The following ERBB4 variants were observed in gnomAD, a reference collection of about 807,000 sequenced individuals.
ERBB4 encodes the protein receptor tyrosine-protein kinase erbB-4.
A neutral mutation model predicts 158.0 loss-of-function variants in ERBB4; 42 were observed. The observed-to-expected ratio is 0.27, with a 90% confidence interval of 0.21 to 0.34. The LOEUF (loss-of-function observed/expected upper bound fraction) is 0.34, where lower values mean the gene tolerates loss of function less well. Among genes scored for constraint, ERBB4 ranks in the 10% least tolerant of loss-of-function variants. ERBB4 has a pLI of 1.00. For synonymous variants in ERBB4, 583 were observed against 558.7 expected (o/e 1.04, Z -0.61); for missense variants, 1,333 against 1,624.1 (o/e 0.82, Z 3.08).
chr2:212,173,760 G>A (rs569091055), intron 1 of ERBB4, among the ~76,000 whole-genome samples: 3 of 152,148 alleles, frequency 2.0e-5, no homozygotes, highest in South Asian at 2.1e-4. Flanking sequence ...TGGATGAAAG[G>A]AGGTCAGAGG....
chr2:212,309,967 C>T (rs750199752), intron 1 of ERBB4, among the ~76,000 whole-genome samples: 5 of 150,398 alleles, frequency 3.3e-5, no homozygotes, highest in Admixed American at 1.3e-4. Context: ...TGCTGGAGTT[C>T]AACCCTTGAA....
At chr2:211,634,319 G>A (rs1334901074) in intron 16 of ERBB4, among the ~76,000 whole-genome samples, 1 of 151,582 alleles carries the variant, frequency 6.6e-6, no homozygotes, top group East Asian at 1.9e-4. Context: ...GTACTTTTGT[G>A]TATATTTTCT....
chr2:211,542,388 T>A (rs937700300), intron 20 of ERBB4, among the ~76,000 whole-genome samples: 1 of 151,932 alleles, frequency 6.6e-6, no homozygotes, highest in African/African-American at 2.4e-5. Flanking sequence ...TCTTCTTGGA[T>A]TCTGACTTCA....
intron 1 of ERBB4, among the ~76,000 whole-genome samples, chr2:212,418,940 T>A (rs2091725038): frequency 6.6e-6 from 1 of 151,904 alleles, no homozygotes; most frequent in South Asian, 2.1e-4. Context: ...AATACTGAAT[T>A]TCAATGCAAA....
intron 3 of ERBB4, among the ~76,000 whole-genome samples, chr2:211,862,412 T>G (rs2078082209): frequency 6.6e-6 from 1 of 152,148 alleles, no homozygotes; most frequent in Non-Finnish European, 1.5e-5. Flanking sequence ...TGTTCTCAAT[T>G]TTTTTCAAGC....
At chr2:212,178,254 A>T (rs1051285270) in intron 1 of ERBB4, among the ~76,000 whole-genome samples, 3 of 151,708 alleles carry the variant, frequency 2.0e-5, no homozygotes, top group African/African-American at 7.3e-5. Flanking sequence ...TGTCAATAGT[A>T]AAAAGATTGC....
intron 25 of ERBB4, among the ~76,000 whole-genome samples, chr2:211,412,548 C>CTCTT (rs1169127262): frequency 1.3e-5 from 2 of 152,184 alleles, no homozygotes; most frequent in Non-Finnish European, 2.9e-5. Context: ...AGAATATTAA[C>CTCTT]TCTTTGATGG....
chr2:212,308,456 C>A (rs2086897255), intron 1 of ERBB4, among the ~76,000 whole-genome samples: 1 of 150,964 alleles, frequency 6.6e-6, no homozygotes, highest in African/African-American at 2.4e-5. Context: ...CGTCTCATTG[C>A]TACCTACATC....
chr2:211,961,739 T>C (rs1312623214), intron 2 of ERBB4, among the ~76,000 whole-genome samples: 1 of 152,078 alleles, frequency 6.6e-6, no homozygotes, highest in African/African-American at 2.4e-5. Flanking sequence ...CATGGTGAAT[T>C]TGATCATGAA....
At chr2:212,206,007 C>T (rs973854980) in intron 1 of ERBB4, among the ~76,000 whole-genome samples, 3 of 152,072 alleles carry the variant, frequency 2.0e-5, no homozygotes, top group Non-Finnish European at 4.4e-5. Context: ...CTTATAATAC[C>T]TATGATAATT....
At chr2:212,169,721 A>G (rs2081455862) in intron 1 of ERBB4, among the ~76,000 whole-genome samples, 1 of 152,128 alleles carries the variant, frequency 6.6e-6, no homozygotes, top group Admixed American at 6.6e-5. Flanking sequence ...TGATTGGATC[A>G]TGGCGGTGAT....
At chr2:212,483,015 C>T (rs904711903) in intron 1 of ERBB4, among the ~76,000 whole-genome samples, 8 of 152,068 alleles carry the variant, frequency 5.3e-5, no homozygotes, top group Non-Finnish European at 1.0e-4. Flanking sequence ...TTCTTGCCAC[C>T]ATATAGTTCT....
chr2:212,366,569 A>C (rs1283594522), intron 1 of ERBB4, among the ~76,000 whole-genome samples: 1 of 151,976 alleles, frequency 6.6e-6, no homozygotes, highest in Non-Finnish European at 1.5e-5. Flanking sequence ...TGTCATAAAA[A>C]AGTTTGATTG....
intron 25 of ERBB4, among the ~76,000 whole-genome samples, chr2:211,413,466 C>A (rs886636796): frequency 1.3e-5 from 2 of 151,932 alleles, no homozygotes; most frequent in Non-Finnish European, 2.9e-5. Context: ...AAACAAAAAC[C>A]CTCAAGCATC....
rs919701287 is a variant in ERBB4, at chr2:211,800,416, T to C, written c.422-12257A>G. Among the ~76,000 whole-genome samples the C allele has an allele frequency of 3.9e-5, 6 of 152,124 alleles. 1 individual carries two copies. The highest frequency in any genetic ancestry group is 1.4e-4 in the African/African-American group (6 of 41,444). On this transcript the variant is annotated intron_variant, in intron 3 of 27. Coordinates refer to ENST00000342788, the MANE Select transcript of ERBB4 (RefSeq NM_005235.3). Reference sequence around the variant, plus strand: ...TTAGTCTGATGGCTGAGTTGGCTTTTAAATTTTTAGTCTGTGCTCTCCCCA... The same window carrying C: ...TTAGTCTGATGGCTGAGTTGGCTTTCAAATTTTTAGTCTGTGCTCTCCCCA...
At position 212,453,876 on chromosome 2, in the gene ERBB4, C is replaced by G. The variant is rs373181699; in HGVS notation, c.82+84573G>C. ...AGAAAAAGTATTTTCTCTTTTCTTT[C>G]CAGAATCACTGGGTGCATGAATTGC... On this transcript the variant is annotated intron_variant, in intron 1 of 27. Coordinates refer to ENST00000342788, the MANE Select transcript of ERBB4 (RefSeq NM_005235.3). 3.3e-5 allele frequency among the ~76,000 whole-genome samples: 5 copies of G among 152,076 alleles called. No individual in the cohort carries two copies. The East Asian group carries it at 9.7e-4, about 29-fold the overall frequency.
chr2:212,304,762 A>G (rs1046854740), intron 1 of ERBB4, among the ~76,000 whole-genome samples: 1 of 151,442 alleles, frequency 6.6e-6, no homozygotes, highest in Non-Finnish European at 1.5e-5. Flanking sequence ...TAACTAAAAA[A>G]GCTAAAGTTC....
chr2:212,209,674 A>G (rs2082872392), intron 1 of ERBB4, among the ~76,000 whole-genome samples: 1 of 152,270 alleles, frequency 6.6e-6, no homozygotes. Flanking sequence ...GACAGGGTCC[A>G]TAAGGAGGGA....
At position 211,811,709 on chromosome 2, in the gene ERBB4, G is replaced by A. The variant is rs538310723; in HGVS notation, c.422-23550C>T. 6.5e-4 allele frequency among the ~76,000 whole-genome samples: 98 copies of A among 151,642 alleles called. No homozygotes were observed. The Middle Eastern group carries it at 0.01, about 16-fold the overall frequency. ...CCCATATTTCTCAGAGGCTTTGTTC[G>A]TTTCTTTTTACTCTTTTTTTTTCTA... On this transcript the variant is annotated intron_variant, in intron 3 of 27. Transcript: ENST00000342788.
Sources: gnomAD v4.1 joint callset for allele counts (sites outside exome capture counted in the v4.1 genomes callset) on GRCh38, gnomAD v4.1.1 for gene constraint, MANE v1.5 for transcripts, NCBI Gene and HGNC (gene_info 2026-07-23, HGNC 2026-07-21) for gene names.